TMEM100: variants seen among roughly 807,000 people sequenced by gnomAD.
The protein encoded by TMEM100 is transmembrane protein 100.
For missense variants in TMEM100, 137 were observed against 168.2 expected, an observed-to-expected ratio of 0.81 and a Z score of 1.02; for synonymous variants, 61 against 67.1, an observed-to-expected ratio of 0.91 and a Z score of 0.44.
rs758267355 is a variant in TMEM100, at chr17:55,720,853, G to A, written c.218C>T (p.Ala73Val). The A allele has an allele frequency of 4.9e-5, 79 of 1,614,086 alleles. No individual in the cohort carries two copies. The Admixed American group carries it at 1.1e-3, about 23-fold the overall frequency. The change falls in exon 2 of 2, where the codon GCG becomes GTG. Residue 73 changes from alanine (A) to valine (V), a missense_variant. Transcript: ENST00000424486. ...VVFIAGIVVT[A>V]VAYSFNSHGS... ...ATGGGAATTGAAGCTGTAAGCCACC[G>A]CGGTGACCACGATGCCGGCGATGAA...
chr17:55,728,848 A>G (rs1018201986), intron 1 of TMEM100, among the ~76,000 whole-genome samples: 3 of 152,190 alleles, frequency 2.0e-5, no homozygotes, highest in African/African-American at 7.2e-5. Flanking sequence ...CATGGCACAC[A>G]GGCATTTAAC....
chr17:55,726,198 A>G (rs1313834772), upstream of TMEM100, among the ~76,000 whole-genome samples: 1 of 152,182 alleles, frequency 6.6e-6, no homozygotes, highest in Non-Finnish European at 1.5e-5. Flanking sequence ...CTTCCACCAA[A>G]GGCATTGTAA....
upstream of TMEM100, among the ~76,000 whole-genome samples, chr17:55,726,291 A>G (rs1379784978): frequency 2.0e-5 from 3 of 152,194 alleles, no homozygotes; most frequent in East Asian, 5.8e-4. Flanking sequence ...TAGAAACAAA[A>G]TGAAAGACAA....
At chr17:55,725,128 T>C (rs990328457), upstream of TMEM100, among the ~76,000 whole-genome samples, 2 of 152,052 alleles carry the variant, frequency 1.3e-5, no homozygotes, top group African/African-American at 4.8e-5. Flanking sequence ...CCTCTTCAAA[T>C]TGAAATTCAA....
upstream of TMEM100, among the ~76,000 whole-genome samples, chr17:55,726,017 T>C (rs1909062702): frequency 6.6e-6 from 1 of 151,914 alleles, no homozygotes; most frequent in Non-Finnish European, 1.5e-5. Context: ...AACATGCAGG[T>C]AATAAAAGGA....
upstream of TMEM100, among the ~76,000 whole-genome samples, chr17:55,726,094 G>A (rs990104242): frequency 2.6e-5 from 4 of 152,166 alleles, no homozygotes; most frequent in African/African-American, 9.7e-5. Flanking sequence ...TCTCCCTAAT[G>A]TCAGAGGAGT....
upstream of TMEM100, among the ~76,000 whole-genome samples, chr17:55,727,513 T>A (rs1227351077): frequency 6.6e-6 from 1 of 152,140 alleles, no homozygotes; most frequent in Non-Finnish European, 1.5e-5. Context: ...TCCCTATACC[T>A]GATAGCATGG....
chr17:55,720,475 G>T lies in TMEM100; in HGVS notation c.*191C>A. 1.4e-6 allele frequency: 1 copy of T among 703,018 alleles called. No homozygotes were observed. Among genetic ancestry groups the T allele is most frequent in the Non-Finnish European group, 2.3e-6 (1 of 438,950 alleles). The allele number at this position is 703,018 out of a possible 1,614,324, so 43.5% of individuals were successfully genotyped here. ...TTTCAGTCTCAGAAGTAGCCCTTAG[G>T]GTTAAGTTTGTCGTTAAAGAAGACA... is the stretch of plus-strand genomic sequence containing the variant. On this transcript the variant is annotated 3_prime_UTR_variant, in exon 2 of 2. Transcript: ENST00000424486.
chr17:55,727,306 C>T (rs548367370), upstream of TMEM100, among the ~76,000 whole-genome samples: 2 of 152,342 alleles, frequency 1.3e-5, no homozygotes, highest in African/African-American at 2.4e-5. Context: ...GATGAGGAAG[C>T]CCGAAGTTCG....
At chr17:55,725,697 A>G (rs1597956111), upstream of TMEM100, among the ~76,000 whole-genome samples, 4 of 116,758 alleles carry the variant, frequency 3.4e-5, no homozygotes, top group South Asian at 3.0e-4. Context: ...TGTAACCCAT[A>G]TATATGTGTG....
chr17:55,725,498 CAG>C (rs950789691), upstream of TMEM100, among the ~76,000 whole-genome samples: 8 of 152,246 alleles, frequency 5.3e-5, no homozygotes, highest in South Asian at 1.5e-3. Context: ...CTTTCCCAGC[CAG>C]AGTTAGACTG....
At chr17:55,729,137 G>C (rs1909141335) in intron 1 of TMEM100, among the ~76,000 whole-genome samples, 1 of 152,220 alleles carries the variant, frequency 6.6e-6, no homozygotes, top group African/African-American at 2.4e-5. Context: ...ACAGTAGCCT[G>C]ACTTTATAGA....
chr17:55,725,650 A>C (rs1173863868), upstream of TMEM100, among the ~76,000 whole-genome samples: 2 of 151,428 alleles, frequency 1.3e-5, no homozygotes, highest in African/African-American at 2.4e-5. Context: ...AATCCCTTAA[A>C]TGCTGCTGGA....
intron 1 of TMEM100, among the ~76,000 whole-genome samples, chr17:55,731,362 T>C (rs1444559210): frequency 1.3e-5 from 2 of 152,218 alleles, no homozygotes; most frequent in African/African-American, 2.4e-5. Context: ...TCCAATATTA[T>C]GCAATTAAAA....
At chr17:55,728,298 T>G (rs1909122538) in intron 1 of TMEM100, among the ~76,000 whole-genome samples, 4 of 152,214 alleles carry the variant, frequency 2.6e-5, no homozygotes, top group Non-Finnish European at 2.9e-5. Flanking sequence ...AAGTTTAGCT[T>G]AAGTCTCATT....
rs183433911 is a variant in TMEM100 at position 55,729,117 on chromosome 17, T to C, written c.-358-1135A>G. Among the ~76,000 whole-genome samples, 19 of 152,356 alleles carry C rather than the reference T, an allele frequency of 1.2e-4. 1 individual carries two copies. The East Asian group carries it at 3.5e-3, about 28-fold the overall frequency. ...GAACAGGATTGCACAGTGAGCTCTGTGCATTATAAACAGTAGCCTGACTTT... is the reference window on the plus strand; with the variant it reads ...GAACAGGATTGCACAGTGAGCTCTGCGCATTATAAACAGTAGCCTGACTTT... On this transcript the variant is annotated intron_variant, in intron 1 of 3. Coordinates refer to the TMEM100 transcript ENST00000575734.
chr17:55,723,578 G>A (rs1381164114), upstream of TMEM100, among the ~76,000 whole-genome samples: 1 of 152,152 alleles, frequency 6.6e-6, no homozygotes, highest in Non-Finnish European at 1.5e-5. Flanking sequence ...ACATATTAAT[G>A]TTAATTCTCA....
chr17:55,722,160 G>A (rs776641204), intron 1 of TMEM100, among the ~76,000 whole-genome samples: 4 of 152,198 alleles, frequency 2.6e-5, no homozygotes, highest in Non-Finnish European at 5.9e-5. Flanking sequence ...TGCTGTCTAT[G>A]AGAAATCAGT....
upstream of TMEM100, among the ~76,000 whole-genome samples, chr17:55,723,647 C>T (rs1021264226): frequency 6.6e-6 from 1 of 152,124 alleles, no homozygotes; most frequent in Non-Finnish European, 1.5e-5. Context: ...AAAGATCACC[C>T]AGTAACAGAG....
Sources: allele counts gnomAD v4.1 joint callset (sites outside exome capture counted in the v4.1 genomes callset), GRCh38; gene constraint gnomAD v4.1.1; transcripts MANE v1.5; gene names NCBI Gene and HGNC (gene_info 2026-07-23, HGNC 2026-07-21).